The following RNASEH2B variants were observed in gnomAD, a reference collection of about 807,000 sequenced individuals.
RNASEH2B encodes the protein ribonuclease H2 subunit B, also known as Aicardi-Goutieres syndrome 2 protein.
RNASEH2B carries 36 observed loss-of-function variants against 45.0 expected under a neutral mutation model. The observed-to-expected ratio is 0.80, with a 90% CI of 0.61 to 1.06. The LOEUF is 1.06. Among genes scored for constraint, RNASEH2B ranks in the 50% least tolerant of loss-of-function variants. RNASEH2B has a pLI of 0.00. For missense variants in RNASEH2B, 361 were observed against 360.3 expected (o/e 1.00, Z -0.02); for synonymous variants, 119 against 125.7 (o/e 0.95, Z 0.35).
At chr13:50,969,307 A>C (rs1473841754) in intron 9 of RNASEH2B, among the ~76,000 whole-genome samples, 1 of 151,968 alleles carries the variant, frequency 6.6e-6, no homozygotes, top group Non-Finnish European at 1.5e-5. Context: ...TTCCATGTAC[A>C]TGTTTTTTTT....
intron 1 of RNASEH2B, chr13:50,910,509 C>A (rs944916104): frequency 2.6e-4 from 51 of 195,036 alleles, no homozygotes; most frequent in African/African-American, 1.1e-3. Context: ...CTTCTGTGAT[C>A]CTACTGGGTT....
chr13:50,949,738 G>A (rs1183988554), intron 9 of RNASEH2B, among the ~76,000 whole-genome samples: 2 of 152,176 alleles, frequency 1.3e-5, no homozygotes, highest in African/African-American at 4.8e-5. Flanking sequence ...GTTGGTTTTA[G>A]CAAGGTACCC....
chr13:50,954,022 C>T (rs777772670), intron 10 of RNASEH2B, 37 bp downstream of exon 10: 1 of 1,262,214 alleles, frequency 7.9e-7, no homozygotes, highest in Non-Finnish European at 1.2e-6. Context: ...TTCGTTCATA[C>T]TCAGTGCGTG....
At chr13:50,969,879 G>T in intron 9 of RNASEH2B, 1 of 1,526,640 alleles carries the variant, frequency 6.6e-7, no homozygotes, top group Non-Finnish European at 8.9e-7. Flanking sequence ...TGGGGTTTCA[G>T]GTGACTGTTT....
intron 2 of RNASEH2B, among the ~76,000 whole-genome samples, chr13:50,928,897 G>C (rs1450405438): frequency 1.4e-5 from 2 of 144,280 alleles, no homozygotes; most frequent in Non-Finnish European, 3.0e-5. Flanking sequence ...AAAACATGCA[G>C]ATGTGCACAG....
At position 50,948,149 on chromosome 13, in the gene RNASEH2B, A is replaced by C. The variant is rs1447593617; in HGVS notation, c.698+81A>C. 2.4e-5 allele frequency: 38 copies of C among 1,587,442 alleles called. 1 individual carries two copies. The Middle Eastern group carries it at 9.2e-4, about 38-fold the overall frequency. ...CAGCAGTGGGGTTTCCTTATGGCTT[A>C]TCATATCACTGTTTATGATACAAGA... is the stretch of plus-strand genomic sequence containing the variant. On this transcript the variant is annotated intron_variant, in intron 8 of 10. Coordinates refer to ENST00000336617, the MANE Select transcript of RNASEH2B (RefSeq NM_024570.4).
intron 1 of RNASEH2B, chr13:50,911,640 A>C (rs960401106): frequency 6.6e-6 from 1 of 152,212 alleles, no homozygotes; most frequent in African/African-American, 2.4e-5. Context: ...ATTGCTGCAC[A>C]TCCTCGGTAA....
intron 5 of RNASEH2B, 44 bp downstream of exon 5, chr13:50,935,043 C>A (rs765033294): frequency 2.3e-6 from 3 of 1,293,324 alleles, no homozygotes; most frequent in Non-Finnish European, 3.4e-6. Flanking sequence ...AAAGGATGGA[C>A]CTTGCCTAAG....
downstream of RNASEH2B, chr13:50,960,230 A>G (rs755171293): frequency 1.5e-6 from 1 of 688,212 alleles, no homozygotes; most frequent in Non-Finnish European, 2.0e-6. Flanking sequence ...TAAACTATTA[A>G]TGGAAAAATT....
chr13:50,957,697 A>G (rs1467118663), downstream of RNASEH2B, among the ~76,000 whole-genome samples: 1 of 152,222 alleles, frequency 6.6e-6, no homozygotes, highest in Non-Finnish European at 1.5e-5. Context: ...ACTGCTTTCC[A>G]TAGTGGCTGA....
At chr13:50,954,222 A>C in intron 10 of RNASEH2B, 1 of 607,060 alleles carries the variant, frequency 1.6e-6, no homozygotes, top group Non-Finnish European at 2.9e-6. Context: ...GTGTGCCTAA[A>C]TTTTGCTATG....
intron 4 of RNASEH2B, among the ~76,000 whole-genome samples, chr13:50,932,932 C>T (rs1593461019): frequency 6.6e-6 from 1 of 152,220 alleles, no homozygotes; most frequent in Non-Finnish European, 1.5e-5. Context: ...CTTCCCTGCC[C>T]TCCGCCCTTC....
At chr13:50,957,885 G>C (rs922217723), downstream of RNASEH2B, among the ~76,000 whole-genome samples, 1 of 152,150 alleles carries the variant, frequency 6.6e-6, no homozygotes, top group Non-Finnish European at 1.5e-5. Context: ...TAATATGTTT[G>C]TGATCACTTG....
chr13:50,970,391 T>C (rs1012061788), exon 10 of RNASEH2B: 4 of 350,244 alleles, frequency 1.1e-5, no homozygotes, highest in African/African-American at 8.6e-5. Flanking sequence ...AAGCTTCTAA[T>C]TCATAAATAT....
At chr13:50,956,335 T>G (rs906615816) in intron 10 of RNASEH2B, 23 bp from the exon 11 acceptor site, 6 of 1,552,846 alleles carry the variant, frequency 3.9e-6, no homozygotes, top group East Asian at 2.3e-5. Flanking sequence ...ATAACAATTT[T>G]TCTCTCTTAT....
chr13:50,917,539 T>G (rs1186034048), intron 1 of RNASEH2B, among the ~76,000 whole-genome samples: 2 of 152,218 alleles, frequency 1.3e-5, no homozygotes, highest in Non-Finnish European at 2.9e-5. Context: ...GCAAAACACT[T>G]TCATATAATT....
chr13:50,940,339 T>A (rs1315053700), intron 5 of RNASEH2B, among the ~76,000 whole-genome samples: 1 of 152,202 alleles, frequency 6.6e-6, no homozygotes, highest in African/African-American at 2.4e-5. Context: ...TCCAAACTCC[T>A]CGATTTGTAC....
At chr13:50,967,775 T>C (rs1593488379) in intron 9 of RNASEH2B, among the ~76,000 whole-genome samples, 4 of 152,334 alleles carry the variant, frequency 2.6e-5, no homozygotes, top group Admixed American at 2.6e-4. Context: ...AGCTGCCTTG[T>C]ATTACATATT....
rs1352321275 is a variant in RNASEH2B at position 50,927,494 on chromosome 13, A to T, written c.136+16A>T. 1 of 1,494,514 alleles carries T rather than the reference A, an allele frequency of 6.7e-7. No homozygotes were observed. Among genetic ancestry groups the T allele is most frequent in the African/African-American group, 1.4e-5 (1 of 72,452 alleles). 92.6% of individuals were successfully genotyped at this position (1,494,514 alleles called of 1,614,324 possible). A position where few individuals can be genotyped will look rare whatever the true frequency, so the allele number is the denominator to read the frequency against. On this transcript the variant is annotated intron_variant, in intron 2 of 10. Coordinates refer to ENST00000336617, the MANE Select transcript of RNASEH2B (RefSeq NM_024570.4). The stretch of plus-strand genomic sequence containing the variant: ...CCCTGTTCAGGTAAGTTCTCTTCTC[A>T]TAACTTGAATGTTCTTAAATGTTGT...
Sources: allele counts gnomAD v4.1 joint callset (sites outside exome capture counted in the v4.1 genomes callset), GRCh38; gene constraint gnomAD v4.1.1; transcripts MANE v1.5; gene names NCBI Gene and HGNC (gene_info 2026-07-23, HGNC 2026-07-21).